The following PCDH15 variants were observed in gnomAD, a reference collection of about 807,000 sequenced individuals.
PCDH15 encodes the protein protocadherin related 15, also known as protocadherin-15.
A neutral mutation model predicts 178.5 loss-of-function variants in PCDH15; 129 were observed. That is an observed-to-expected ratio of 0.72 (90% confidence interval 0.63 to 0.84). The LOEUF (loss-of-function observed/expected upper bound fraction) is 0.84. Ranked by LOEUF, PCDH15 falls within the 40% of genes least tolerant of loss-of-function variation. The pLI is 0.00. For synonymous variants in PCDH15, 800 were observed against 732.0 expected (o/e 1.09, Z -1.50); for missense variants, 2,230 against 2,099.9 (o/e 1.06, Z -1.21).
intron 3 of PCDH15, among the ~76,000 whole-genome samples, chr10:54,886,121 T>A: frequency 6.9e-6 from 1 of 145,318 alleles, no homozygotes; most frequent in South Asian, 2.1e-4. Context: ...TTTTTGTATA[T>A]CACAAATATA....
chr10:55,149,723 T>A (rs904300189), intron 2 of PCDH15, among the ~76,000 whole-genome samples: 1 of 152,070 alleles, frequency 6.6e-6, no homozygotes, highest in Non-Finnish European at 1.5e-5. Flanking sequence ...ATATGCTTCT[T>A]TGGTGTTAAC....
intron 2 of PCDH15, among the ~76,000 whole-genome samples, chr10:54,658,727 C>A (rs2094446953): frequency 6.6e-6 from 1 of 152,118 alleles, no homozygotes; most frequent in South Asian, 2.1e-4. Flanking sequence ...AAAGCAATTA[C>A]ACAATTGAAT....
Position 54,206,621 on chromosome 10 carries a change from G to A in PCDH15, c.1098+7315C>T, listed in dbSNP as rs114363837. The stretch of plus-strand genomic sequence containing the variant: ...ACCAGAATAATGTATTTTGTAATAA[G>A]CAAATTTTAAAAAATCATTAACATA... On this transcript the variant is annotated intron_variant, in intron 10 of 37. Coordinates refer to ENST00000644397, the MANE Select transcript of PCDH15 (RefSeq NM_001384140.1). Among the ~76,000 whole-genome samples, 943 of 152,018 alleles carry A rather than the reference G, an allele frequency of 6.2e-3. 9 individuals are homozygous for A. Among genetic ancestry groups the A allele is most frequent in the African/African-American group, 0.019 (776 of 41,496 alleles).
intron 3 of PCDH15, among the ~76,000 whole-genome samples, chr10:54,507,556 T>G (rs1462640023): frequency 6.6e-6 from 1 of 151,928 alleles, no homozygotes; most frequent in Non-Finnish European, 1.5e-5. Context: ...ATTTATTAGA[T>G]TCTTTTTGCT....
In PCDH15 at chr10:54,971,447, A is replaced by C. The variant is rs1159440006; in HGVS notation, c.-79-73947T>G. Among the ~76,000 whole-genome samples the C allele has an allele frequency of 3.9e-5, 6 of 152,160 alleles. No homozygotes were observed. The South Asian group carries it at 1.2e-3, about 32-fold the overall frequency. ...CTTACTGGACAACAAGCCTGCTAGC[A>C]CCCTAATTTCAGCTTCCAGTCTCCA... On this transcript the variant is annotated intron_variant, in intron 2 of 5. Transcript: ENST00000458638.
intron 2 of PCDH15, among the ~76,000 whole-genome samples, chr10:55,118,878 TA>T (rs901825819): frequency 2.8e-4 from 43 of 152,188 alleles, no homozygotes. Flanking sequence ...ACGACACTTA[TA>T]ATTGACTTAC....
intron 2 of PCDH15, among the ~76,000 whole-genome samples, chr10:55,466,372 T>C (rs1839831170): frequency 6.6e-6 from 1 of 152,126 alleles, no homozygotes; most frequent in Non-Finnish European, 1.5e-5. Flanking sequence ...TAATATCTAA[T>C]TGGAGGTAGC....
chr10:54,425,605 T>C (rs541791845), intron 3 of PCDH15, among the ~76,000 whole-genome samples: 8 of 152,304 alleles, frequency 5.3e-5, no homozygotes, highest in African/African-American at 9.6e-5. Context: ...AGCTTCAGCA[T>C]GTATTTTTTT....
At chr10:55,451,354 C>T (rs1391063015) in intron 2 of PCDH15, among the ~76,000 whole-genome samples, 2 of 151,826 alleles carry the variant, frequency 1.3e-5, no homozygotes, top group Non-Finnish European at 2.9e-5. Context: ...AAAAATTAGC[C>T]AGGTGTGGTG....
intron 32 of PCDH15, among the ~76,000 whole-genome samples, chr10:53,825,774 T>C (rs185596874): frequency 1.3e-5 from 2 of 151,590 alleles, no homozygotes; most frequent in East Asian, 3.9e-4. Context: ...AATAGATAGA[T>C]AGGTTAAACA....
upstream of PCDH15, among the ~76,000 whole-genome samples, chr10:55,324,175 T>C (rs114026002): frequency 5.2e-3 from 789 of 152,258 alleles, 11 homozygotes; most frequent in African/African-American, 0.018. Context: ...GTCCATTAAA[T>C]TTATTTCCTT....
At chr10:54,222,449 C>G (rs1169847559) in intron 9 of PCDH15, among the ~76,000 whole-genome samples, 1 of 152,218 alleles carries the variant, frequency 6.6e-6, no homozygotes, top group Non-Finnish European at 1.5e-5. Context: ...GATTTGGAGA[C>G]TGGCTTCTTT....
intron 2 of PCDH15, among the ~76,000 whole-genome samples, chr10:55,016,814 T>G (rs1840192529): frequency 6.6e-6 from 1 of 152,124 alleles, no homozygotes; most frequent in African/African-American, 2.4e-5. Context: ...AACATACCTT[T>G]TATTGATTTT....
At chr10:55,064,791 G>T (rs1200629442) in intron 2 of PCDH15, among the ~76,000 whole-genome samples, 1 of 151,968 alleles carries the variant, frequency 6.6e-6, no homozygotes, top group African/African-American at 2.4e-5. Flanking sequence ...ATTTATACTT[G>T]TGAAGCAAAT....
intron 2 of PCDH15, among the ~76,000 whole-genome samples, chr10:54,638,988 TG>T (rs1172916744): frequency 6.6e-6 from 1 of 152,090 alleles, no homozygotes; most frequent in Non-Finnish European, 1.5e-5. Context: ...AGCTAAACTA[TG>T]GGTACACAAT....
At chr10:55,492,800 G>A (rs1002687665) in intron 2 of PCDH15, among the ~76,000 whole-genome samples, 5 of 151,668 alleles carry the variant, frequency 3.3e-5, no homozygotes, top group Admixed American at 2.0e-4. Context: ...AGTCAATGAT[G>A]CTTAGAGAAG....
intron 2 of PCDH15, among the ~76,000 whole-genome samples, chr10:55,142,829 A>G (rs1479619596): frequency 3.3e-5 from 5 of 151,566 alleles, no homozygotes; most frequent in Non-Finnish European, 7.4e-5. Context: ...TGACTAGGGG[A>G]GCAGGATAAG....
rs1261337352 is a variant in PCDH15, at chr10:54,521,980, C to T, written c.157+5832G>A. The stretch of plus-strand genomic sequence containing the variant: ...GTGGGTGCATGTGGTCCTAGCTACT[C>T]GGGAGGCTGAGGCAGGAGAATGGCG... On this transcript the variant is annotated intron_variant, in intron 3 of 37. Transcript: ENST00000644397. Among the ~76,000 whole-genome samples, 6 of 145,464 alleles carry T rather than the reference C, an allele frequency of 4.1e-5. No individual in the cohort carries two copies. The South Asian group carries it at 6.8e-4, about 16-fold the overall frequency.
chr10:54,660,884 G>GA (rs1276866691), intron 2 of PCDH15, among the ~76,000 whole-genome samples: 1 of 151,768 alleles, frequency 6.6e-6, no homozygotes, highest in Non-Finnish European at 1.5e-5. Flanking sequence ...AATACCTGCA[G>GA]AAAAAACATT....
Sources: allele counts gnomAD v4.1 joint callset (sites outside exome capture counted in the v4.1 genomes callset), GRCh38; gene constraint gnomAD v4.1.1; transcripts MANE v1.5; gene names NCBI Gene and HGNC (gene_info 2026-07-23, HGNC 2026-07-21).